The following SH3RF1 variants were observed in gnomAD, a reference collection of about 807,000 sequenced individuals.
The protein encoded by SH3RF1 is SH3 domain containing ring finger 1.
Under a neutral mutation model 74.0 loss-of-function variants are expected in SH3RF1, and 32 were observed. The ratio of observed to expected loss-of-function variants is 0.43; its 90% CI spans 0.33 to 0.58. The LOEUF is 0.58. Ranked by LOEUF, SH3RF1 falls within the 20% of genes least tolerant of loss-of-function variation. The pLI is 0.05. For missense variants in SH3RF1, 954 were observed against 1,130.9 expected (o/e 0.84, Z 2.24); for synonymous variants, 396 against 439.6 (o/e 0.90, Z 1.24).
At chr4:169,104,794 A>G (rs533379141) in intron 11 of SH3RF1, among the ~76,000 whole-genome samples, 51 of 152,072 alleles carry the variant, frequency 3.4e-4, no homozygotes, top group African/African-American at 1.1e-3. Context: ...CCAGCTACTC[A>G]GAAAGCAGAG....
chr4:169,179,264 G>A (rs1734470483), intron 2 of SH3RF1, among the ~76,000 whole-genome samples: 1 of 152,276 alleles, frequency 6.6e-6, no homozygotes, highest in Admixed American at 6.5e-5. Flanking sequence ...ACAAGCCAAA[G>A]GATATTTCTT....
chr4:169,115,015 C>G (rs1214735243), intron 10 of SH3RF1, among the ~76,000 whole-genome samples: 3 of 152,028 alleles, frequency 2.0e-5, no homozygotes, highest in Non-Finnish European at 4.4e-5. Flanking sequence ...GATCCGTTAC[C>G]ATCTCTTCTT....
intron 2 of SH3RF1, among the ~76,000 whole-genome samples, chr4:169,175,773 A>T (rs1734410233): frequency 6.6e-6 from 1 of 152,208 alleles, no homozygotes; most frequent in Non-Finnish European, 1.5e-5. Context: ...TCCATACCTG[A>T]GGCAAGTTGT....
chr4:169,098,745 GAC>G (rs1732970706), intron 11 of SH3RF1, among the ~76,000 whole-genome samples: 1 of 152,342 alleles, frequency 6.6e-6, no homozygotes, highest in Non-Finnish European at 1.5e-5. Context: ...CCTAAGGATT[GAC>G]ACAGTCTTTA....
chr4:169,101,787 G>C (rs1733041368), intron 11 of SH3RF1, among the ~76,000 whole-genome samples: 1 of 151,876 alleles, frequency 6.6e-6, no homozygotes, highest in Non-Finnish European at 1.5e-5. Flanking sequence ...GGGGTGACCA[G>C]AGTGGCTCAC....
At chr4:169,124,438 T>C (rs1733492361) in intron 6 of SH3RF1, among the ~76,000 whole-genome samples, 1 of 152,240 alleles carries the variant, frequency 6.6e-6, no homozygotes, top group South Asian at 2.1e-4. Context: ...TTCATGTACA[T>C]TACTTTTGCA....
chr4:169,233,410 T>C (rs766012189), intron 2 of SH3RF1, among the ~76,000 whole-genome samples: 23 of 152,258 alleles, frequency 1.5e-4, no homozygotes, highest in Middle Eastern at 6.8e-3. Flanking sequence ...AATAAAATAA[T>C]TTAAAACTAA....
intron 6 of SH3RF1, among the ~76,000 whole-genome samples, chr4:169,126,516 A>G (rs548425161): frequency 5.9e-5 from 9 of 152,228 alleles, no homozygotes; most frequent in Non-Finnish European, 7.3e-5. Flanking sequence ...CATATTGGCT[A>G]TTCTGAGAAT....
chr4:169,257,735 T>C (rs544748516), intron 2 of SH3RF1, among the ~76,000 whole-genome samples: 42 of 152,340 alleles, frequency 2.8e-4, no homozygotes, highest in Non-Finnish European at 4.7e-4. Context: ...GTAACAACTT[T>C]AGATGAAGAT....
chr4:169,203,553 G>GAA (rs780772535), intron 2 of SH3RF1, among the ~76,000 whole-genome samples: 14 of 129,544 alleles, frequency 1.1e-4, no homozygotes, highest in Admixed American at 2.3e-4. Context: ...CCTGTCTCAA[G>GAA]AAAAAAAAAA....
intron 4 of SH3RF1, among the ~76,000 whole-genome samples, chr4:169,152,744 T>C (rs1425063443): frequency 6.6e-6 from 1 of 151,936 alleles, no homozygotes; most frequent in Non-Finnish European, 1.5e-5. Context: ...TCTCAAAAAA[T>C]AAAAAAGGAG....
intron 5 of SH3RF1, among the ~76,000 whole-genome samples, chr4:169,130,970 A>G (rs1426587171): frequency 2.0e-5 from 3 of 152,228 alleles, no homozygotes; most frequent in East Asian, 3.9e-4. Context: ...GAATAGAAGC[A>G]ATGTGGTTGG....
intron 2 of SH3RF1, among the ~76,000 whole-genome samples, chr4:169,227,253 C>T (rs1360312275): frequency 6.6e-6 from 1 of 151,932 alleles, no homozygotes; most frequent in African/African-American, 2.4e-5. Flanking sequence ...AATCATTAGA[C>T]TATAACATCA....
intron 2 of SH3RF1, among the ~76,000 whole-genome samples, chr4:169,176,389 A>G (rs370395346): frequency 2.0e-5 from 3 of 152,248 alleles, no homozygotes; most frequent in East Asian, 1.9e-4. Flanking sequence ...CAAACCTGTA[A>G]GTCATGCTAG....
At chr4:169,157,473 T>C (rs1734077607) in intron 2 of SH3RF1, among the ~76,000 whole-genome samples, 2 of 152,228 alleles carry the variant, frequency 1.3e-5, no homozygotes, top group Admixed American at 1.3e-4. Context: ...AGTTTAAAAT[T>C]GTGTACATAA....
At chr4:169,118,618 G>A (rs1336382203) in intron 8 of SH3RF1, among the ~76,000 whole-genome samples, 2 of 152,024 alleles carry the variant, frequency 1.3e-5, no homozygotes, top group Non-Finnish European at 2.9e-5. Flanking sequence ...ACCATGCCCG[G>A]CTACTTTTTT....
intron 4 of SH3RF1, among the ~76,000 whole-genome samples, chr4:169,142,313 G>GTA (rs1166766785): frequency 2.0e-5 from 3 of 152,082 alleles, no homozygotes; most frequent in South Asian, 2.1e-4. Context: ...ATATATGTGT[G>GTA]TATATATTTA....
At chr4:169,137,665 A>C (rs1333472840) in intron 4 of SH3RF1, among the ~76,000 whole-genome samples, 1 of 152,198 alleles carries the variant, frequency 6.6e-6, no homozygotes, top group Admixed American at 6.5e-5. Flanking sequence ...TTTCCCACTT[A>C]AATTGTTCAG....
chr4:169,116,368 G>A lies in SH3RF1; in HGVS notation c.2040C>T (p.Gly680=). Residue 680 remains glycine (G), a synonymous_variant, in exon 10 of 12, where the codon GGC becomes GGT. Transcript: ENST00000284637. ...TSASLEAEPS[G]RIVTVLPGLP... is the part of the protein sequence containing the mutation. ...GTCCAGGGAGAACGGTCACTATCCG[G>A]CCACTGGGCTCAGCCTCCAGAGAAG... 6 of 1,614,190 alleles carry A rather than the reference G, an allele frequency of 3.7e-6. No homozygotes were observed. The highest frequency in any genetic ancestry group is 5.1e-6 in the Non-Finnish European group (6 of 1,180,040).
Sources: allele counts gnomAD v4.1 joint callset (sites outside exome capture counted in the v4.1 genomes callset), GRCh38; gene constraint gnomAD v4.1.1; transcripts MANE v1.5; gene names NCBI Gene and HGNC (gene_info 2026-07-23, HGNC 2026-07-21).